Variants in PGBD5 observed in about 807,000 individuals in gnomAD.
The protein encoded by PGBD5 is piggyBac transposable element derived 5.
In PGBD5, 14 loss-of-function variants were observed where a neutral mutation model predicts 47.9. That is an observed-to-expected ratio of 0.29 (90% confidence interval 0.19 to 0.46). PGBD5 has a LOEUF of 0.46. PGBD5 is among the 20% of genes least tolerant of loss of function. The pLI is 1.00. For synonymous variants in PGBD5, 316 were observed against 306.3 expected (o/e 1.03, Z -0.33); for missense variants, 635 against 716.0 (o/e 0.89, Z 1.29).
At chr1:230,376,695 C>A (rs1294583705) in intron 1 of PGBD5, among the ~76,000 whole-genome samples, 2 of 152,110 alleles carry the variant, frequency 1.3e-5, no homozygotes, top group Admixed American at 6.5e-5. Context: ...AGGGTCAGAG[C>A]CTGAATGCTG....
At chr1:230,364,162 T>G (rs1667791083) in intron 1 of PGBD5, among the ~76,000 whole-genome samples, 1 of 152,242 alleles carries the variant, frequency 6.6e-6, no homozygotes, top group South Asian at 2.1e-4. Flanking sequence ...GATTCTCAGC[T>G]CTATTGGGGT....
chr1:230,333,139 C>T (rs943657721), intron 4 of PGBD5, 98 bp from the exon 5 acceptor site: 9 of 1,297,124 alleles, frequency 6.9e-6, no homozygotes, highest in African/African-American at 4.4e-5. Flanking sequence ...CGGGACTGCC[C>T]GGTTCTGAGG....
At chr1:230,417,205 C>G (rs34034640) in intron 1 of PGBD5, among the ~76,000 whole-genome samples, 6,622 of 152,130 alleles carry the variant, frequency 0.044, 183 homozygotes, top group Non-Finnish European at 0.063. Context: ...TCTCCCACCC[C>G]CAAGATCATG....
At chr1:230,381,291 TC>T (rs1274600639) in intron 1 of PGBD5, among the ~76,000 whole-genome samples, 1 of 152,198 alleles carries the variant, frequency 6.6e-6, no homozygotes, top group Non-Finnish European at 1.5e-5. Flanking sequence ...TATAGTATAA[TC>T]CTGGCACCAA....
intron 3 of PGBD5, among the ~76,000 whole-genome samples, chr1:230,344,698 AG>A (rs1334269893): frequency 1.3e-5 from 2 of 152,158 alleles, no homozygotes; most frequent in African/African-American, 4.8e-5. Flanking sequence ...TGATGTGTGC[AG>A]GGGGTAGGAA....
chr1:230,326,805 A>T (rs1211590618), intron 5 of PGBD5, among the ~76,000 whole-genome samples: 1 of 152,102 alleles, frequency 6.6e-6, no homozygotes, highest in Non-Finnish European at 1.5e-5. Context: ...AAGAAGGAGG[A>T]GGTTGTCCTT....
chr1:230,412,167 G>A (rs74631679), intron 1 of PGBD5, among the ~76,000 whole-genome samples: 2,297 of 152,206 alleles, frequency 0.015, 66 homozygotes, highest in African/African-American at 0.053. Context: ...CAAGAACCAT[G>A]TATAATATTA....
intron 1 of PGBD5, among the ~76,000 whole-genome samples, chr1:230,415,571 G>T (rs1160563528): frequency 6.6e-6 from 1 of 152,192 alleles, no homozygotes; most frequent in East Asian, 1.9e-4. Flanking sequence ...GCAGAGATGA[G>T]TGCAGTGACC....
chr1:230,421,845 C>T (rs1235389686), intron 1 of PGBD5, among the ~76,000 whole-genome samples: 3 of 152,188 alleles, frequency 2.0e-5, no homozygotes, highest in Non-Finnish European at 4.4e-5. Flanking sequence ...TTATACTTAA[C>T]ACCATAGACA....
chr1:230,323,719 A>G lies in PGBD5; in HGVS notation c.1380-99T>C. 1.6e-6 allele frequency: 2 copies of G among 1,228,734 alleles called. No homozygotes were observed. Among genetic ancestry groups the G allele is most frequent in the Non-Finnish European group, 2.3e-6 (2 of 874,750 alleles). The allele number at this position is 1,228,734 out of a possible 1,614,324, so 76.1% of individuals were successfully genotyped here. ...CTCACCACAGCCCGTGAGACGCTGC[A>G]GGTTCGCCCCCGACAGAAGCAGGAG... On this transcript the variant is annotated intron_variant, in intron 6 of 6. Transcript: ENST00000391860. This position sits in a 1 kb window ranked among gnomAD's most constrained non-coding sequence, Gnocchi z 4.1.
rs1483291211 is a variant in PGBD5 at position 230,370,317 on chromosome 1, G to A, written c.332-12996C>T. On this transcript the variant is annotated intron_variant, in intron 1 of 6. Transcript: ENST00000391860. ...AGGTCAGCGCTGCGGTTCGTGAGCC[G>A]TGGGGACTCTGCCCTTCAGGTCCCA... Among the ~76,000 whole-genome samples, 19 of 152,282 alleles carry A rather than the reference G, an allele frequency of 1.2e-4. 1 individual carries two copies. Among genetic ancestry groups the A allele is most frequent in the Admixed American group, 9.8e-4 (15 of 15,302 alleles).
At chr1:230,411,298 GA>G (rs2102749798) in intron 1 of PGBD5, among the ~76,000 whole-genome samples, 1 of 152,280 alleles carries the variant, frequency 6.6e-6, no homozygotes, top group Admixed American at 6.5e-5. Flanking sequence ...AAAGGGCGGA[GA>G]GGGGAAGTGA....
At chr1:230,361,150 C>T (rs1040055432) in intron 1 of PGBD5, among the ~76,000 whole-genome samples, 1 of 152,180 alleles carries the variant, frequency 6.6e-6, no homozygotes, top group Non-Finnish European at 1.5e-5. Flanking sequence ...CTTCCCATCA[C>T]CTCCTCCCTC....
At chr1:230,379,764 C>T (rs1296416119) in intron 1 of PGBD5, among the ~76,000 whole-genome samples, 1 of 152,260 alleles carries the variant, frequency 6.6e-6, no homozygotes, top group Non-Finnish European at 1.5e-5. Flanking sequence ...ACAGAGCCAA[C>T]AGTTACCAAC....
Position 230,331,174 on chromosome 1 carries a change from A to G in PGBD5, c.1273+1670T>C, listed in dbSNP as rs927433700. 7.2e-5 allele frequency among the ~76,000 whole-genome samples: 11 copies of G among 152,092 alleles called. No individual in the cohort carries two copies. The East Asian group carries it at 1.7e-3, about 24-fold the overall frequency. On this transcript the variant is annotated intron_variant, in intron 5 of 6. Coordinates refer to ENST00000391860, the MANE Select transcript of PGBD5 (RefSeq NM_001258311.2). Reference sequence around the variant, plus strand: ...ATGCCTGTACACCCAGCACTTTGGGAGGCTGAGGCTAGAGGATCACTTGAG... The same window carrying G: ...ATGCCTGTACACCCAGCACTTTGGGGGGCTGAGGCTAGAGGATCACTTGAG...
intron 1 of PGBD5, among the ~76,000 whole-genome samples, chr1:230,392,488 TGA>T (rs1360679306): frequency 6.6e-6 from 1 of 152,132 alleles, no homozygotes; most frequent in African/African-American, 2.4e-5. Context: ...CCTCCAAAGC[TGA>T]GTTATAAAGC....
At chr1:230,374,474 T>C (rs1667981671) in intron 1 of PGBD5, among the ~76,000 whole-genome samples, 1 of 152,232 alleles carries the variant, frequency 6.6e-6, no homozygotes, top group South Asian at 2.1e-4. Context: ...CAGAGCAATA[T>C]GAATAGTATG....
intron 1 of PGBD5, among the ~76,000 whole-genome samples, chr1:230,390,342 A>G (rs1328345346): frequency 1.3e-5 from 2 of 151,460 alleles, no homozygotes; most frequent in Non-Finnish European, 2.9e-5. Context: ...GCTTCCTCAC[A>G]CCCTCCTTAG....
chr1:230,417,196 C>A (rs942300957), intron 1 of PGBD5, among the ~76,000 whole-genome samples: 1 of 152,128 alleles, frequency 6.6e-6, no homozygotes, highest in African/African-American at 2.4e-5. Context: ...TTCCAGTATT[C>A]TCCCACCCCC....
Sources: allele counts gnomAD v4.1 joint callset (sites outside exome capture counted in the v4.1 genomes callset), GRCh38; gene constraint gnomAD v4.1.1; non-coding constraint Gnocchi (gnomAD v3.1); transcripts MANE v1.5; gene names NCBI Gene and HGNC (gene_info 2026-07-23, HGNC 2026-07-21).